The following AMOTL1 variants were observed in gnomAD, a reference collection of about 807,000 sequenced individuals.
The protein encoded by AMOTL1 is angiomotin like 1.
Under a neutral mutation model 102.9 loss-of-function variants are expected in AMOTL1, and 45 were observed. The observed-to-expected ratio is 0.44, with a 90% confidence interval of 0.34 to 0.56. The LOEUF (loss-of-function observed/expected upper bound fraction) is 0.56, where lower values mean the gene tolerates loss of function less well. Ranked by LOEUF, AMOTL1 falls within the 20% of genes least tolerant of loss-of-function variation. AMOTL1 has a pLI of 0.01. For missense variants in AMOTL1, 1,114 were observed against 1,225.6 expected (o/e 0.91, Z 1.36); for synonymous variants, 481 against 484.7 (o/e 0.99, Z 0.10).
Position 94,799,782 on chromosome 11 carries a change from T to C in AMOTL1, c.592T>C (p.Ser198Pro). 1.2e-6 allele frequency: 2 copies of C among 1,604,310 alleles called. No individual in the cohort carries two copies. The highest frequency in any genetic ancestry group is 1.7e-6 in the Non-Finnish European group (2 of 1,174,562). Residue 198 changes from serine (S) to proline (P), a missense_variant, in exon 3 of 13, where the codon TCG becomes CCG. By Grantham distance (74) the Ser-to-Pro change is moderately conservative. Transcript: ENST00000433060. This position sits in a 1 kb window ranked among gnomAD's most constrained non-coding sequence, Gnocchi z 4.5. ...CACTTACGAGGAGGCCAAAGCACAGTCGCAGTTCTTCAGGGGGCAGCAGCA... is the reference window on the plus strand; with the variant it reads ...CACTTACGAGGAGGCCAAAGCACAGCCGCAGTTCTTCAGGGGGCAGCAGCA... ...LPTYEEAKAQSQFFRGQQQQQ... is the reference protein window; with the variant it reads ...LPTYEEAKAQPQFFRGQQQQQ...
At chr11:94,808,101 A>AAAAC (rs1370957776) in intron 3 of AMOTL1, among the ~76,000 whole-genome samples, 32 of 76 alleles carry the variant, frequency 0.42, no homozygotes, top group Non-Finnish European at 0.46. Flanking sequence ...AAAACAAAAC[A>AAAAC]AGAACAAAAC....
At chr11:94,859,150 A>C (rs977753918) in intron 8 of AMOTL1, among the ~76,000 whole-genome samples, 2 of 152,234 alleles carry the variant, frequency 1.3e-5, no homozygotes, top group Admixed American at 6.5e-5. Flanking sequence ...CAGGAGGCCA[A>C]GACTTAATTC....
intron 1 of AMOTL1, among the ~76,000 whole-genome samples, chr11:94,723,732 C>T (rs144043907): frequency 1.3e-5 from 2 of 152,058 alleles, no homozygotes; most frequent in African/African-American, 4.8e-5. Flanking sequence ...ATCCCTCTAG[C>T]ATTTCATGTA....
At chr11:94,788,223 T>C (rs1006099412) in intron 1 of AMOTL1, among the ~76,000 whole-genome samples, 13 of 152,184 alleles carry the variant, frequency 8.5e-5, no homozygotes, top group African/African-American at 3.1e-4. Context: ...TAGGTGACTA[T>C]CAGGAAGGGA....
intron 6 of AMOTL1, among the ~76,000 whole-genome samples, chr11:94,837,861 C>G (rs1952216423): frequency 6.6e-6 from 1 of 152,174 alleles, no homozygotes; most frequent in Non-Finnish European, 1.5e-5. Flanking sequence ...AATCAAGCAT[C>G]TTAAACTTTT....
At position 94,874,843 on chromosome 11, in the gene AMOTL1, G is replaced by T. The variant is rs1017591539; in HGVS notation, c.*4048G>T. ...GAGGCAGGGGGCTCATGTTTTGACTGCAGGGAGTTATGCTGAGCAAAGAGA... is the reference window on the plus strand; with the variant it reads ...GAGGCAGGGGGCTCATGTTTTGACTTCAGGGAGTTATGCTGAGCAAAGAGA... On this transcript the variant is annotated 3_prime_UTR_variant, in exon 13 of 13. Coordinates refer to ENST00000433060, the MANE Select transcript of AMOTL1 (RefSeq NM_130847.3). 6.6e-6 allele frequency: 1 copy of T among 152,232 alleles called. No individual in the cohort carries two copies. Among genetic ancestry groups the T allele is most frequent in the Non-Finnish European group, 1.5e-5 (1 of 68,062 alleles). 9.4% of individuals were successfully genotyped at this position (152,232 alleles called of 1,614,324 possible).
At chr11:94,858,984 G>A (rs59213639) in intron 8 of AMOTL1, among the ~76,000 whole-genome samples, 13,331 of 152,116 alleles carry the variant, frequency 0.088, 1,000 homozygotes, top group African/African-American at 0.2. Flanking sequence ...CCTCTGAGTG[G>A]GGCAGGTGTG....
intron 1 of AMOTL1, among the ~76,000 whole-genome samples, chr11:94,788,318 A>G (rs1246269958): frequency 6.6e-6 from 1 of 152,160 alleles, no homozygotes; most frequent in East Asian, 1.9e-4. Context: ...TAATGTACTC[A>G]TGCTTTTAAC....
intron 6 of AMOTL1, among the ~76,000 whole-genome samples, chr11:94,845,101 A>C (rs1269443372): frequency 6.6e-6 from 1 of 152,150 alleles, no homozygotes; most frequent in African/African-American, 2.4e-5. Context: ...ATCCACCCTC[A>C]ATGTTTCTTA....
intron 1 of AMOTL1, among the ~76,000 whole-genome samples, chr11:94,793,831 A>G (rs936022861): frequency 6.6e-6 from 1 of 152,258 alleles, no homozygotes; most frequent in African/African-American, 2.4e-5. Flanking sequence ...AGTGGGCATT[A>G]CAACTACATT....
At chr11:94,811,166 C>A (rs1028917732) in intron 3 of AMOTL1, among the ~76,000 whole-genome samples, 1 of 151,970 alleles carries the variant, frequency 6.6e-6, no homozygotes, top group Non-Finnish European at 1.5e-5. Context: ...AATAAAGGTG[C>A]CCTTGTTATG....
intron 6 of AMOTL1, among the ~76,000 whole-genome samples, chr11:94,848,840 C>T (rs1952473759): frequency 6.6e-6 from 1 of 152,190 alleles, no homozygotes; most frequent in African/African-American, 2.4e-5. Context: ...TGCATTCTTT[C>T]TATTACTTCA....
rs765771583 is a variant in AMOTL1 at position 94,800,232 on chromosome 11, C to G, written c.1042C>G (p.Pro348Ala). 13 of 1,613,964 alleles carry G rather than the reference C, an allele frequency of 8.1e-6. No homozygotes were observed. The highest frequency in any genetic ancestry group is 1.1e-5 in the Non-Finnish European group (13 of 1,179,870). The change falls in exon 3 of 13, where the codon CCC (proline) becomes GCC (alanine). Residue 348 changes from proline to alanine, a missense_variant. By Grantham distance (27) the Pro-to-Ala change is conservative (BLOSUM62 -1). Coordinates refer to ENST00000433060, the MANE Select transcript of AMOTL1 (RefSeq NM_130847.3). ...CGGGATGCTCCACGAGATGGTCAAG[C>G]CCTACCCTGCTCCTCAGCCTGTGAG... is the stretch of plus-strand genomic sequence containing the variant. Reference protein sequence around the residue: ...HPGMLHEMVKPYPAPQPVRTD... With the variant: ...HPGMLHEMVKAYPAPQPVRTD...
At chr11:94,768,696 A>C in intron 1 of AMOTL1, 136 bp downstream of exon 1, 1 of 1,333,000 alleles carries the variant, frequency 7.5e-7, no homozygotes, top group Non-Finnish European at 1.0e-6. Flanking sequence ...CTGAGATCCC[A>C]GATTGTTGTT....
chr11:94,867,885 TC>T (rs1434744723), intron 11 of AMOTL1, among the ~76,000 whole-genome samples: 1 of 152,122 alleles, frequency 6.6e-6, no homozygotes, highest in Non-Finnish European at 1.5e-5. Flanking sequence ...TGGGTTTGAG[TC>T]CCATTTCTGC....
chr11:94,758,291 A>T (rs1950751587), intron 3 of AMOTL1, among the ~76,000 whole-genome samples: 1 of 152,224 alleles, frequency 6.6e-6, no homozygotes. Context: ...GTACTAACAG[A>T]TCAAAGTGGT....
chr11:94,773,025 A>G (rs957342943), intron 1 of AMOTL1, among the ~76,000 whole-genome samples: 1 of 152,222 alleles, frequency 6.6e-6, no homozygotes, highest in Non-Finnish European at 1.5e-5. Context: ...CTTTGGCGAA[A>G]TAACTATTCA....
rs192023702 is a variant in AMOTL1 at position 94,864,750 on chromosome 11, C to T, written c.2151C>T (p.Ile717=). 236 of 1,613,660 alleles carry T rather than the reference C, an allele frequency of 1.5e-4. 1 individual carries two copies. In the African/African-American group the frequency reaches 3.1e-3, roughly 21 times the overall value. ...TAAAERDTTI[I]NHSRNGSYGE... ...GTGTTGCCAGGGACACCACGATCAT[C>T]AACCACTCACGGAATGGCAGCTACG... is the stretch of plus-strand genomic sequence containing the variant. The change falls in exon 10 of 13, where the codon ATC becomes ATT. Residue 717 remains isoleucine, a synonymous_variant. Transcript: ENST00000433060.
chr11:94,720,846 G>A (rs1950165470), intron 1 of AMOTL1, among the ~76,000 whole-genome samples: 1 of 152,108 alleles, frequency 6.6e-6, no homozygotes, highest in Non-Finnish European at 1.5e-5. Context: ...GGGTGCCTAG[G>A]GATTGAAGGA....
Sources: gnomAD v4.1 joint callset for allele counts (sites outside exome capture counted in the v4.1 genomes callset) on GRCh38, gnomAD v4.1.1 for gene constraint, Gnocchi (gnomAD v3.1) non-coding constraint, MANE v1.5 for transcripts, NCBI Gene and HGNC (gene_info 2026-07-23, HGNC 2026-07-21) for gene names.